The following TBC1D4 variants were observed in gnomAD, a reference collection of about 807,000 sequenced individuals.
TBC1D4 encodes the protein TBC1 domain family member 4.
A neutral mutation model predicts 142.5 loss-of-function variants in TBC1D4; 121 were observed. That is an observed-to-expected ratio of 0.85 (90% CI 0.73 to 0.99). The LOEUF is 0.99. TBC1D4 is among the 50% of genes least tolerant of loss of function. The pLI is 0.00. For missense variants in TBC1D4, 1,475 were observed against 1,606.6 expected (o/e 0.92, Z 1.40); for synonymous variants, 630 against 628.2 (o/e 1.00, Z -0.04).
chr13:75,421,008 G>A (rs1357802898), intron 1 of TBC1D4, among the ~76,000 whole-genome samples: 1 of 152,172 alleles, frequency 6.6e-6, no homozygotes, highest in African/African-American at 2.4e-5. Flanking sequence ...CAAAAGCAGA[G>A]ACGAATAAAA....
chr13:75,306,248 CAA>C (rs33992075), intron 15 of TBC1D4, 63 bp downstream of exon 15: 663,293 of 1,252,112 alleles, frequency 0.53, 149,910 homozygotes, highest in South Asian at 0.65. Context: ...ACAAATCAAA[CAA>C]AAAAAAAAAA....
chr13:75,351,306 T>C (rs904016181), intron 4 of TBC1D4, among the ~76,000 whole-genome samples: 1 of 152,208 alleles, frequency 6.6e-6, no homozygotes, highest in Non-Finnish European at 1.5e-5. Flanking sequence ...AAATATTATC[T>C]AGTCTAATTC....
Position 75,312,733 on chromosome 13 carries a change from C to T in TBC1D4, c.2383+5G>A, listed in dbSNP as rs200026004. 2.5e-6 allele frequency: 4 copies of T among 1,614,164 alleles called. No individual in the cohort carries two copies. The Admixed American group carries it at 5.0e-5, about 20-fold the overall frequency. On this transcript the variant is annotated splice_donor_5th_base_variant and intron_variant, in intron 13 of 20. Coordinates refer to ENST00000377636, the MANE Select transcript of TBC1D4 (RefSeq NM_014832.5). ...GATAAATTCCTTAGGGAGTGCAACA[C>T]AGACCTTGCTGTTGCATTGCTGAGG...
At chr13:75,457,918 G>A (rs1887805197) in intron 1 of TBC1D4, among the ~76,000 whole-genome samples, 1 of 152,178 alleles carries the variant, frequency 6.6e-6, no homozygotes, top group Admixed American at 6.5e-5. Context: ...CTTATGGAAT[G>A]GGGAGCATGC....
At chr13:75,289,174 A>T in intron 19 of TBC1D4, 64 bp from the exon 20 acceptor site, 1 of 1,575,536 alleles carries the variant, frequency 6.3e-7, no homozygotes, top group Non-Finnish European at 8.7e-7. Context: ...CAGCCTGTTT[A>T]TCTTGGTATA....
At chr13:75,291,594 T>C (rs1875315724) in intron 19 of TBC1D4, among the ~76,000 whole-genome samples, 1 of 152,134 alleles carries the variant, frequency 6.6e-6, no homozygotes, top group Non-Finnish European at 1.5e-5. Context: ...ACCTCTCAGA[T>C]CAGTATCATC....
intron 17 of TBC1D4, among the ~76,000 whole-genome samples, chr13:75,296,480 C>T (rs894703423): frequency 6.6e-6 from 1 of 152,178 alleles, no homozygotes; most frequent in African/African-American, 2.4e-5. Flanking sequence ...CCCACCTACC[C>T]TGCCGCACAT....
chr13:75,366,913 C>T (rs1882946892), intron 1 of TBC1D4: 2 of 985,048 alleles, frequency 2.0e-6, no homozygotes, highest in African/African-American at 3.5e-5. Flanking sequence ...AGGAAAGATA[C>T]CTTTGATCAG....
chr13:75,430,816 C>G (rs753021033), intron 1 of TBC1D4, among the ~76,000 whole-genome samples: 20 of 152,148 alleles, frequency 1.3e-4, no homozygotes, highest in Non-Finnish European at 2.9e-4. Context: ...TCCATCCACC[C>G]CTTCCTTTTC....
intron 1 of TBC1D4, among the ~76,000 whole-genome samples, chr13:75,400,633 A>AT (rs71201178): frequency 0.044 from 6,232 of 141,186 alleles, 452 homozygotes; most frequent in African/African-American, 0.15. Flanking sequence ...AATTTTTTGT[A>AT]TTTTTTTTTT....
chr13:75,355,686 C>G (rs1881984585), intron 4 of TBC1D4, among the ~76,000 whole-genome samples: 1 of 151,922 alleles, frequency 6.6e-6, no homozygotes, highest in African/African-American at 2.4e-5. Flanking sequence ...AAAGTAAGAC[C>G]ACAAAGTATA....
intron 1 of TBC1D4, among the ~76,000 whole-genome samples, chr13:75,420,425 G>A (rs1400739097): frequency 1.3e-5 from 2 of 152,114 alleles, no homozygotes; most frequent in Admixed American, 6.5e-5. Flanking sequence ...ATTTTCAAAG[G>A]TTTGAATTTC....
At chr13:75,291,072 C>A (rs947401564) in intron 19 of TBC1D4, among the ~76,000 whole-genome samples, 3 of 152,202 alleles carry the variant, frequency 2.0e-5, no homozygotes, top group African/African-American at 7.2e-5. Flanking sequence ...CACCTGGTCC[C>A]TATGAAGAGT....
intron 1 of TBC1D4, among the ~76,000 whole-genome samples, chr13:75,460,642 C>T (rs1162619766): frequency 2.0e-5 from 3 of 152,020 alleles, no homozygotes; most frequent in Admixed American, 2.0e-4. Context: ...AGAGAGAGGC[C>T]AGAGGCAGTG....
intron 1 of TBC1D4, among the ~76,000 whole-genome samples, chr13:75,480,786 C>T (rs1321675121): frequency 6.6e-6 from 1 of 152,196 alleles, no homozygotes. Flanking sequence ...CCAGCCAAAC[C>T]GGTTAAGGAT....
intron 1 of TBC1D4, among the ~76,000 whole-genome samples, chr13:75,415,384 T>A (rs1885875171): frequency 6.6e-6 from 1 of 152,164 alleles, no homozygotes; most frequent in Non-Finnish European, 1.5e-5. Context: ...TGATGACATT[T>A]CCAGTACAGA....
intron 2 of TBC1D4, among the ~76,000 whole-genome samples, chr13:75,360,101 T>TACCA (rs1882379877): frequency 2.0e-5 from 3 of 151,668 alleles, no homozygotes; most frequent in African/African-American, 7.3e-5. Context: ...TATTATAAGA[T>TACCA]ACAAATATTT....
chr13:75,430,728 T>A (rs895710774), intron 1 of TBC1D4, among the ~76,000 whole-genome samples: 1 of 152,208 alleles, frequency 6.6e-6, no homozygotes, highest in Non-Finnish European at 1.5e-5. Flanking sequence ...CATCGATTTG[T>A]GTAGATATGA....
intron 7 of TBC1D4, among the ~76,000 whole-genome samples, chr13:75,337,395 C>A (rs960856810): frequency 2.0e-5 from 3 of 152,142 alleles, no homozygotes; most frequent in Non-Finnish European, 2.9e-5. Flanking sequence ...TACTTTATAT[C>A]CAAATTACCA....
Sources: allele counts gnomAD v4.1 joint callset (sites outside exome capture counted in the v4.1 genomes callset), GRCh38; gene constraint gnomAD v4.1.1; transcripts MANE v1.5; gene names NCBI Gene and HGNC (gene_info 2026-07-23, HGNC 2026-07-21).